Variants in TASL observed in about 807,000 individuals in gnomAD.
The protein encoded by TASL is TLR adapter interacting with SLC15A4 on the lysosome.
In TASL, 6 loss-of-function variants were observed where a neutral mutation model predicts 12.9. The observed-to-expected ratio is 0.46, with a 90% CI of 0.25 to 0.92. TASL has a LOEUF of 0.92. TASL is among the 40% of genes least tolerant of loss of function. The probability of loss-of-function intolerance (pLI) is 0.17; values close to 1 mark genes in which losing one functional copy is unlikely to be tolerated. For missense variants in TASL, 165 were observed against 212.8 expected (o/e 0.78, Z 1.40); for synonymous variants, 85 against 79.3 (o/e 1.07, Z -0.38).
intron 2 of TASL, among the ~76,000 whole-genome samples, chrX:30,575,138 A>G (rs1601839620): frequency 9.0e-6 from 1 of 111,680 alleles, no homozygotes; most frequent in East Asian, 2.8e-4. Context: ...CTTTACCTCT[A>G]TATTATATTA....
At chrX:30,577,239 C>G (rs1268559116) in intron 1 of TASL, among the ~76,000 whole-genome samples, 1 of 112,355 alleles carries the variant, frequency 8.9e-6, no homozygotes, top group Admixed American at 9.5e-5. Flanking sequence ...TGTGTTGTCC[C>G]TGCAAAACCC....
At chrX:30,569,404 C>A (rs1424170068) in intron 2 of TASL, among the ~76,000 whole-genome samples, 1 of 110,991 alleles carries the variant, frequency 9.0e-6, no homozygotes, top group Non-Finnish European at 1.9e-5. Flanking sequence ...TCAGGAGGAG[C>A]TGTGGAGGAA....
intron 2 of TASL, among the ~76,000 whole-genome samples, chrX:30,561,432 A>G (rs1014100928): frequency 2.7e-5 from 3 of 111,613 alleles, no homozygotes; most frequent in African/African-American, 9.8e-5. Flanking sequence ...AAAACAGAAC[A>G]CACTGGCATT....
intron 2 of TASL, among the ~76,000 whole-genome samples, chrX:30,576,360 G>A (rs1309960617): frequency 9.0e-6 from 1 of 111,289 alleles, no homozygotes; most frequent in Non-Finnish European, 1.9e-5. Flanking sequence ...CTGTGCATAT[G>A]TGCATGCGTG....
intron 2 of TASL, among the ~76,000 whole-genome samples, chrX:30,562,149 C>T (rs907569795): frequency 8.9e-6 from 1 of 112,144 alleles, no homozygotes; most frequent in Non-Finnish European, 1.9e-5. Flanking sequence ...GCTTTAGAAA[C>T]TCCTGGCAGA....
intron 2 of TASL, among the ~76,000 whole-genome samples, chrX:30,574,997 A>AT (rs1361343276): frequency 4.5e-5 from 5 of 110,146 alleles, no homozygotes; most frequent in South Asian, 3.8e-4. Flanking sequence ...TTAGCACATT[A>AT]TTTTTTTTTA....
At chrX:30,567,906 A>G (rs1193020709) in intron 2 of TASL, among the ~76,000 whole-genome samples, 1 of 112,248 alleles carries the variant, frequency 8.9e-6, no homozygotes, top group Non-Finnish European at 1.9e-5. Flanking sequence ...CTGTGATTAA[A>G]TTTTTAATTA....
intron 2 of TASL, among the ~76,000 whole-genome samples, chrX:30,571,915 G>A (rs1930633327): frequency 9.1e-6 from 1 of 109,731 alleles, no homozygotes; most frequent in Admixed American, 9.8e-5. Flanking sequence ...TTAACCCAAT[G>A]GATTACTTTA....
chrX:30,567,674 G>A (rs1930519772), intron 2 of TASL, among the ~76,000 whole-genome samples: 1 of 111,313 alleles, frequency 9.0e-6, no homozygotes, highest in Non-Finnish European at 1.9e-5. Context: ...GGAGGAAGGA[G>A]AAATAAATCC....
At chrX:30,571,471 T>C (rs768742401) in intron 2 of TASL, among the ~76,000 whole-genome samples, 87 of 108,695 alleles carry the variant, frequency 8.0e-4, no homozygotes, top group African/African-American at 2.6e-3. Flanking sequence ...ATACAAAAAA[T>C]TAGCAGGGCG....
intron 2 of TASL, among the ~76,000 whole-genome samples, chrX:30,571,501 T>A (rs1429598871): frequency 9.2e-6 from 1 of 108,713 alleles, no homozygotes; most frequent in African/African-American, 3.4e-5. Flanking sequence ...ATGCCTGTAA[T>A]CCCAGCTACT....
intron 2 of TASL, 30 bp from the exon 3 acceptor site, chrX:30,560,386 G>A: frequency 9.6e-7 from 1 of 1,043,257 alleles, no homozygotes; most frequent in Non-Finnish European, 1.3e-6. Context: ...GTAAGAATGG[G>A]GAAAAAGAAT....
chrX:30,568,873 T>G (rs1331981235), intron 2 of TASL, among the ~76,000 whole-genome samples: 2 of 108,852 alleles, frequency 1.8e-5, no homozygotes, highest in Non-Finnish European at 3.8e-5. Context: ...CCTATCATTC[T>G]GATGTGTAGG....
Position 30,559,027 on chromosome X carries a change from T to C in TASL, c.*423A>G, listed in dbSNP as rs1930377017. The C allele has an allele frequency of 8.7e-6, 1 of 115,541 alleles. No homozygotes were observed. The highest frequency in any genetic ancestry group is 3.2e-5 in the African/African-American group (1 of 30,774). The allele number at this position is 115,541 out of a possible 1,213,427, so 9.5% of individuals were successfully genotyped here. A position where few individuals can be genotyped will look rare whatever the true frequency, so the allele number is the denominator to read the frequency against. ...TTTCACCATATTGGCCAGGCCGGTC[T>C]CGAATTCCTGACGTCAGGTAATCCA... On this transcript the variant is annotated 3_prime_UTR_variant, in exon 3 of 3. Transcript: ENST00000378962.
At chrX:30,573,112 A>T (rs1352481235) in intron 2 of TASL, among the ~76,000 whole-genome samples, 1 of 112,257 alleles carries the variant, frequency 8.9e-6, no homozygotes, top group East Asian at 2.8e-4. Flanking sequence ...CTTTATCATT[A>T]TCTAGATTTT....
chrX:30,563,742 G>A (rs755904311), intron 2 of TASL, among the ~76,000 whole-genome samples: 1 of 111,590 alleles, frequency 9.0e-6, no homozygotes, highest in East Asian at 2.8e-4. Context: ...GCATATTTTT[G>A]CTGAGATCCA....
At chrX:30,561,031 C>T (rs1376413338) in intron 2 of TASL, among the ~76,000 whole-genome samples, 1 of 111,707 alleles carries the variant, frequency 9.0e-6, no homozygotes, top group African/African-American at 3.3e-5. Context: ...AAAACAAGTG[C>T]TGTGTCTTAC....
chrX:30,572,893 G>A (rs930206209), intron 2 of TASL, among the ~76,000 whole-genome samples: 1 of 111,388 alleles, frequency 9.0e-6, no homozygotes, highest in South Asian at 3.7e-4. Flanking sequence ...AACAAGCAGG[G>A]GGCCAATTTG....
At chrX:30,571,290 G>A (rs1569306167) in intron 2 of TASL, among the ~76,000 whole-genome samples, 5 of 43,146 alleles carry the variant, frequency 1.2e-4, no homozygotes, top group Non-Finnish European at 1.8e-4. Flanking sequence ...AAGAAAGAAA[G>A]AAAGAAAGAA....
Sources: gnomAD v4.1 joint callset for allele counts (sites outside exome capture counted in the v4.1 genomes callset) on GRCh38, gnomAD v4.1.1 for gene constraint, MANE v1.5 for transcripts, NCBI Gene and HGNC (gene_info 2026-07-23, HGNC 2026-07-21) for gene names.